The following BIRC6 variants were observed in gnomAD, a reference collection of about 807,000 sequenced individuals.
BIRC6 encodes the protein dual E2 ubiquitin-conjugating enzyme/E3 ubiquitin-protein ligase BIRC6.
In BIRC6, 98 loss-of-function variants were observed where a neutral mutation model predicts 503.3. The ratio of observed to expected loss-of-function variants is 0.19; its 90% CI spans 0.17 to 0.23. The LOEUF is 0.23. Ranked by LOEUF, BIRC6 falls within the 10% of genes least tolerant of loss-of-function variation. BIRC6 has a pLI of 1.00. For synonymous variants in BIRC6, 2,240 were observed against 2,078.7 expected (o/e 1.08, Z -2.11); for missense variants, 5,360 against 5,806.0 (o/e 0.92, Z 2.50).
chr2:32,549,216 A>G, intron 64 of BIRC6, 97 bp from the exon 65 acceptor site: 2 of 815,040 alleles, frequency 2.5e-6, no homozygotes, highest in Admixed American at 3.2e-5. Flanking sequence ...TAAGTAGAAA[A>G]TATGTACTCT....
chr2:32,387,944 A>T (rs1163481169), intron 3 of BIRC6, among the ~76,000 whole-genome samples: 1 of 152,188 alleles, frequency 6.6e-6, no homozygotes, highest in Non-Finnish European at 1.5e-5. Flanking sequence ...ATAATTGTAT[A>T]TATTTATGAG....
intron 4 of BIRC6, among the ~76,000 whole-genome samples, chr2:32,390,357 A>C (rs953979904): frequency 2.0e-5 from 3 of 152,038 alleles, no homozygotes; most frequent in African/African-American, 4.8e-5. Flanking sequence ...TTTTTAGTAC[A>C]GGTGGGGTTT....
At chr2:32,489,077 T>G (rs1281639235) in intron 42 of BIRC6, among the ~76,000 whole-genome samples, 1 of 151,856 alleles carries the variant, frequency 6.6e-6, no homozygotes, top group East Asian at 1.9e-4. Flanking sequence ...CCTGGAGGAG[T>G]TAGTCAGCTG....
chr2:32,473,737 G>A (rs1352829370), intron 33 of BIRC6, among the ~76,000 whole-genome samples: 10 of 135,898 alleles, frequency 7.4e-5, no homozygotes, highest in African/African-American at 2.8e-4. Context: ...GTGTGTGTGT[G>A]TGTGTGTGTG....
chr2:32,412,234 C>A (rs62136282), intron 9 of BIRC6, among the ~76,000 whole-genome samples: 1 of 152,090 alleles, frequency 6.6e-6, no homozygotes, highest in Non-Finnish European at 1.5e-5. Context: ...CATGGTGGCT[C>A]ATGTCTATAA....
intron 12 of BIRC6, among the ~76,000 whole-genome samples, chr2:32,432,325 G>T (rs1439697671): frequency 6.6e-6 from 1 of 152,150 alleles, no homozygotes; most frequent in African/African-American, 2.4e-5. Context: ...CTGAGGCAGA[G>T]AATTGCTTGA....
intron 10 of BIRC6, among the ~76,000 whole-genome samples, chr2:32,425,686 T>C (rs945542073): frequency 3.3e-5 from 5 of 152,224 alleles, no homozygotes; most frequent in Non-Finnish European, 7.3e-5. Context: ...TCTATCTCTT[T>C]AAATCTTCCT....
In BIRC6 at chr2:32,504,989, A is replaced by T. The variant is rs772661073; in HGVS notation, c.9500-16A>T. ...TTTTGCAAGTTCTTATAATTTATGT[A>T]AAATATCTTCTCTAGGTACAATCAC... On this transcript the variant is annotated splice_polypyrimidine_tract_variant and intron_variant, in intron 49 of 73. Coordinates refer to ENST00000421745, the MANE Select transcript of BIRC6 (RefSeq NM_016252.4). 17 of 1,598,990 alleles carry T rather than the reference A, an allele frequency of 1.1e-5. No homozygotes were observed. The highest frequency in any genetic ancestry group is 1.7e-4 in the Middle Eastern group (1 of 6,018).
Position 32,392,152 on chromosome 2 carries a change from T to G in BIRC6, c.951+2T>G. Reference sequence around the variant, plus strand: ...GCTCAAGCTGGATTTTATCATCAGGTAAAAAAAGAATATAAAAAAATACTT... The same window carrying G: ...GCTCAAGCTGGATTTTATCATCAGGGAAAAAAAGAATATAAAAAAATACTT... On this transcript the variant is annotated splice_donor_variant, in intron 5 of 73. Transcript: ENST00000421745. LOFTEE classifies it high-confidence loss of function. The G allele has an allele frequency of 6.5e-7, 1 of 1,548,948 alleles. No homozygotes were observed. The highest frequency in any genetic ancestry group is 8.8e-7 in the Non-Finnish European group (1 of 1,139,496).
rs903887385 is a variant in BIRC6, at chr2:32,406,561, T to C, written c.1477+4T>C. ...TCCAGATCAGATTCTGTGACAGGTA[T>C]GTAAAAAGTATTAGATAATGTATTT... On this transcript the variant is annotated splice_donor_region_variant and intron_variant, in intron 9 of 73. Transcript: ENST00000421745. 9 of 1,599,820 alleles carry C rather than the reference T, an allele frequency of 5.6e-6. No homozygotes were observed. In the African/African-American group the frequency reaches 1.1e-4, roughly 19 times the overall value.
In BIRC6 at chr2:32,471,099, A is replaced by G. The variant is rs1313450576; in HGVS notation, c.6567A>G (p.Ala2189=). ...ATGTGGCAACTGTTGAAGATGAAGC[A>G]GCAGCTGCAAAGAAACCTTTGAATG... ...LDYVATVEDE[A]AAAKKPLNGN... The change falls in exon 32 of 74, where the codon GCA becomes GCG. Residue 2189 remains alanine (A), a synonymous_variant. Coordinates refer to ENST00000421745, the MANE Select transcript of BIRC6 (RefSeq NM_016252.4). 2.5e-6 allele frequency: 4 copies of G among 1,576,590 alleles called. No individual in the cohort carries two copies. The highest frequency in any genetic ancestry group is 2.3e-5 in the South Asian group (2 of 85,902).
intron 24 of BIRC6, 35 bp from the exon 25 acceptor site, chr2:32,464,474 T>TCC: frequency 6.6e-7 from 1 of 1,515,190 alleles, no homozygotes; most frequent in Non-Finnish European, 8.9e-7. Flanking sequence ...GTAGGCAGGA[T>TCC]TAGTCTATAT....
chr2:32,366,812 G>A (rs1414843444), intron 1 of BIRC6, among the ~76,000 whole-genome samples: 5 of 150,898 alleles, frequency 3.3e-5, no homozygotes, highest in Admixed American at 2.7e-4. Flanking sequence ...GTGAGACCCC[G>A]TCTCTACAAA....
At chr2:32,449,767 T>C (rs1248337808) in intron 22 of BIRC6, among the ~76,000 whole-genome samples, 1 of 152,240 alleles carries the variant, frequency 6.6e-6, no homozygotes, top group Non-Finnish European at 1.5e-5. Flanking sequence ...TAGGTTACTA[T>C]TGTTAACTGG....
rs556808047 is a variant in BIRC6, at chr2:32,363,621, G to C, written c.325+6135G>C. Among the ~76,000 whole-genome samples the C allele has an allele frequency of 5.3e-5, 8 of 152,152 alleles. No homozygotes were observed. The South Asian group carries it at 1.7e-3, about 32-fold the overall frequency. On this transcript the variant is annotated intron_variant, in intron 1 of 73. Transcript: ENST00000421745. ...GTTTGTCTTTTTTATAAGCTTTTTT[G>C]AGATTATGTGGAGAGAGCATGCGCT...
At chr2:32,555,114 G>A (rs1056321109) in intron 65 of BIRC6, among the ~76,000 whole-genome samples, 2 of 151,958 alleles carry the variant, frequency 1.3e-5, no homozygotes, top group African/African-American at 4.8e-5. Flanking sequence ...AAAAATTGTC[G>A]AGCTGTCGTA....
At chr2:32,402,431 T>G (rs2040708817) in intron 8 of BIRC6, among the ~76,000 whole-genome samples, 1 of 152,238 alleles carries the variant, frequency 6.6e-6, no homozygotes, top group African/African-American at 2.4e-5. Flanking sequence ...GTTACTGACA[T>G]GTGATGGGTG....
chr2:32,430,805 C>CTTTTTTTTTT (rs370529825), intron 11 of BIRC6, 60 bp from the exon 12 acceptor site: 13 of 484,754 alleles, frequency 2.7e-5, no homozygotes, highest in Non-Finnish European at 2.4e-5. Context: ...TCATTGTCTT[C>CTTTTTTTTTT]TTTTTTTTTT....
intron 64 of BIRC6, 31 bp downstream of exon 64, chr2:32,548,045 T>TA (rs938690380): frequency 1.3e-6 from 2 of 1,529,120 alleles, no homozygotes; most frequent in African/African-American, 1.4e-5. Context: ...TTGTTCATGA[T>TA]AATGGCTTTT....
Sources: gnomAD v4.1 joint callset for allele counts (sites outside exome capture counted in the v4.1 genomes callset) on GRCh38, gnomAD v4.1.1 for gene constraint, MANE v1.5 for transcripts, NCBI Gene and HGNC (gene_info 2026-07-23, HGNC 2026-07-21) for gene names.